The following WASHC5 variants were observed in gnomAD, a reference collection of about 807,000 sequenced individuals.
The protein encoded by WASHC5 is WASH complex subunit strumpellin.
Under a neutral mutation model 150.4 loss-of-function variants are expected in WASHC5, and 101 were observed. The observed-to-expected ratio is 0.67, with a 90% confidence interval of 0.57 to 0.79. The LOEUF is 0.79. WASHC5 is among the 30% of genes least tolerant of loss of function. The probability of loss-of-function intolerance (pLI) is 0.00; values close to 1 mark genes in which losing one functional copy is unlikely to be tolerated. For missense variants in WASHC5, 1,195 were observed against 1,396.3 expected (o/e 0.86, Z 2.30); for synonymous variants, 467 against 491.2 (o/e 0.95, Z 0.65).
intron 19 of WASHC5, among the ~76,000 whole-genome samples, chr8:125,047,687 C>T (rs896561854): frequency 6.6e-6 from 1 of 152,240 alleles, no homozygotes; most frequent in Non-Finnish European, 1.5e-5. Context: ...ATCCTCCCAC[C>T]TTGGCCTCCC....
intron 23 of WASHC5, among the ~76,000 whole-genome samples, chr8:125,043,030 G>A (rs911523277): frequency 6.6e-6 from 1 of 152,196 alleles, no homozygotes; most frequent in Non-Finnish European, 1.5e-5. Flanking sequence ...TCTACAGTAT[G>A]TGATATTTTT....
At chr8:125,076,837 G>C (rs1161619663) in intron 6 of WASHC5, among the ~76,000 whole-genome samples, 1 of 150,432 alleles carries the variant, frequency 6.6e-6, no homozygotes, top group African/African-American at 2.5e-5. Flanking sequence ...GAACTGACAG[G>C]CTCCACTCAC....
Position 125,044,640 on chromosome 8 carries a change from C to T in WASHC5, c.2563G>A (p.Val855Met). The T allele has an allele frequency of 6.2e-7, 1 of 1,614,138 alleles. No homozygotes were observed. The highest frequency in any genetic ancestry group is 8.5e-7 in the Non-Finnish European group (1 of 1,179,978). The change falls in exon 21 of 29, where the codon GTG becomes ATG. Residue 855 changes from valine to methionine, a missense_variant. Val to Met is a conservative substitution (Grantham distance 21). Around this residue, in one of 3 missense-constraint regions of WASHC5, gnomAD observed 997 missense variants for 1,168.1 expected, o/e 0.85. Transcript: ENST00000318410. ...TWYDMKTHQE[V>M]TSSRLFSEIQ... ...TCTGAGAAGAGGCGGCTGCTGGTCA[C>T]TTCCTGATGAGTTTTCATATCATAC... is the stretch of plus-strand genomic sequence containing the variant.
chr8:125,084,609 G>A (rs1817363694), intron 1 of WASHC5, among the ~76,000 whole-genome samples: 1 of 152,202 alleles, frequency 6.6e-6, no homozygotes, highest in Non-Finnish European at 1.5e-5. Flanking sequence ...ACTGTTAGCA[G>A]AATCCATTAC....
intron 28 of WASHC5, among the ~76,000 whole-genome samples, chr8:125,028,154 G>C (rs1260610747): frequency 1.3e-5 from 2 of 152,206 alleles, no homozygotes; most frequent in Non-Finnish European, 2.9e-5. Context: ...AATGAGAAAG[G>C]GATAGGAAAG....
intron 16 of WASHC5, 77 bp from the exon 17 acceptor site, chr8:125,055,748 T>C (rs1816385725): frequency 3.2e-6 from 3 of 941,498 alleles, no homozygotes; most frequent in Non-Finnish European, 5.3e-6. Flanking sequence ...GGAAAAGAAC[T>C]TGTAGCTTTA....
At chr8:125,051,743 C>T (rs1333689248) in intron 17 of WASHC5, among the ~76,000 whole-genome samples, 3 of 152,104 alleles carry the variant, frequency 2.0e-5, no homozygotes, top group Non-Finnish European at 2.9e-5. Flanking sequence ...CAAAATTAGT[C>T]GGGCGTGGTG....
rs1394896430 is a variant in WASHC5, at chr8:125,049,080, T to C, written c.2305A>G (p.Ile769Val). 1.2e-6 allele frequency: 2 copies of C among 1,613,984 alleles called. No individual in the cohort carries two copies. The highest frequency in any genetic ancestry group is 1.7e-5 in the Admixed American group (1 of 60,002). The change falls in exon 19 of 29, where the codon ATT (isoleucine) becomes GTT (valine). Residue 769 changes from isoleucine to valine, a missense_variant. This residue lies in a region of WASHC5 where 997 missense variants were observed against 1,168.1 expected (regional missense o/e 0.85). Transcript: ENST00000318410. The part of the protein sequence containing the change: ...QDYVNIYGLK[I>V]WQEEVSRIIN... ...ATACGAGATACTTCTTCCTGCCAAA[T>C]CTTCAGACCATAAATGTTGACATAG...
At chr8:125,077,066 C>T (rs1817085141) in intron 6 of WASHC5, among the ~76,000 whole-genome samples, 1 of 152,168 alleles carries the variant, frequency 6.6e-6, no homozygotes, top group South Asian at 2.1e-4. Flanking sequence ...TTGCTGAGTC[C>T]TCATCTTCTG....
chr8:125,030,743 A>C (rs1014234089), intron 27 of WASHC5, among the ~76,000 whole-genome samples: 1 of 151,390 alleles, frequency 6.6e-6, no homozygotes, highest in Non-Finnish European at 1.5e-5. Context: ...CTCTGTGCCA[A>C]GGGGAGGGCT....
At position 125,057,566 on chromosome 8, in the gene WASHC5, T is replaced by A. The variant is rs1253149472; in HGVS notation, c.1865A>T (p.Tyr622Phe). 6.2e-7 allele frequency: 1 copy of A among 1,603,200 alleles called. No individual in the cohort carries two copies. Among genetic ancestry groups the A allele is most frequent in the South Asian group, 1.1e-5 (1 of 90,600 alleles). The change falls in exon 15 of 29, where the codon TAT becomes TTT. Residue 622 changes from tyrosine to phenylalanine, a missense_variant. Physicochemically the swap from Tyr to Phe is conservative, Grantham distance 22. Coordinates refer to ENST00000318410, the MANE Select transcript of WASHC5 (RefSeq NM_014846.4). The part of the protein sequence containing the change: ...SQYYSGELVS[Y>F]VRKVLQIIPE... Reference sequence around the variant, plus strand: ...TGATGCATTTCTTACTTTTCTCACATAGGATACCAACTCTCCAGAATAGTA... The same window carrying A: ...TGATGCATTTCTTACTTTTCTCACAAAGGATACCAACTCTCCAGAATAGTA...
intron 20 of WASHC5, among the ~76,000 whole-genome samples, chr8:125,046,885 T>A (rs565999031): frequency 6.5e-4 from 99 of 152,160 alleles, no homozygotes; most frequent in Middle Eastern, 3.4e-3. Context: ...CCTATGAGAA[T>A]CTAGTACTTT....
In WASHC5 at chr8:125,082,390, T is replaced by G; in HGVS notation, c.410A>C (p.Gln137Pro). 6.6e-7 allele frequency: 1 copy of G among 1,525,778 alleles called. No individual in the cohort carries two copies. The highest frequency in any genetic ancestry group is 9.1e-7 in the Non-Finnish European group (1 of 1,100,350). The allele number at this position is 1,525,778 out of a possible 1,614,324, so 94.5% of individuals were successfully genotyped here. Residue 137 changes from glutamine (Q) to proline (P), a missense_variant, in exon 4 of 29, where the codon CAA (glutamine) becomes CCA (proline). Gln to Pro is a moderately conservative substitution (Grantham distance 76). Transcript: ENST00000318410. ...ATAATCATTATTACTTACTAGAAGTTGTTTTCCATCTTCATTGAGAAGCAC... is the reference window on the plus strand; with the variant it reads ...ATAATCATTATTACTTACTAGAAGTGGTTTTCCATCTTCATTGAGAAGCAC... ...ETVLLNEDGK[Q>P]LLCEALYLYG... is the part of the protein sequence containing the mutation.
chr8:125,059,362 G>A lies in WASHC5; in HGVS notation c.1688+14C>T. 6.2e-7 allele frequency: 1 copy of A among 1,614,042 alleles called. No homozygotes were observed. Among genetic ancestry groups the A allele is most frequent in the South Asian group, 1.1e-5 (1 of 91,076 alleles). ...GCCTTTCATCTACAGCAAATGTCAG[G>A]CTGCCTACATTACCTGTCAATCAAC... is the stretch of plus-strand genomic sequence containing the variant. On this transcript the variant is annotated intron_variant, in intron 13 of 28. Coordinates refer to ENST00000318410, the MANE Select transcript of WASHC5 (RefSeq NM_014846.4).
At chr8:125,080,587 T>C (rs1563635372) in intron 5 of WASHC5, among the ~76,000 whole-genome samples, 1 of 152,230 alleles carries the variant, frequency 6.6e-6, no homozygotes, top group South Asian at 2.1e-4. Flanking sequence ...TTCTACTCTT[T>C]ACATCTTTAG....
intron 1 of WASHC5, among the ~76,000 whole-genome samples, chr8:125,088,403 T>G (rs1586395785): frequency 7.5e-6 from 1 of 133,084 alleles, no homozygotes; most frequent in African/African-American, 2.9e-5. Flanking sequence ...CCAGCCTGGG[T>G]GACAGAGTGA....
intron 20 of WASHC5, among the ~76,000 whole-genome samples, chr8:125,045,842 C>T (rs1816051212): frequency 6.6e-6 from 1 of 152,178 alleles, no homozygotes; most frequent in African/African-American, 2.4e-5. Context: ...TGTGGAAATT[C>T]TGGTCACACT....
intron 17 of WASHC5, among the ~76,000 whole-genome samples, chr8:125,054,680 A>G (rs113105345): frequency 0.11 from 16,481 of 151,800 alleles, 2,081 homozygotes; most frequent in African/African-American, 0.3. Context: ...TTAGCCGGGC[A>G]TGGTGGTGGG....
intron 9 of WASHC5, among the ~76,000 whole-genome samples, chr8:125,071,609 C>T (rs1029190873): frequency 6.6e-6 from 1 of 152,182 alleles, no homozygotes; most frequent in African/African-American, 2.4e-5. Flanking sequence ...TATGGGGTTT[C>T]CTGACCTCCT....
Sources: gnomAD v4.1 joint callset for allele counts (sites outside exome capture counted in the v4.1 genomes callset) on GRCh38, gnomAD v4.1.1 for gene constraint, gnomAD v4.1.1 regional missense constraint, MANE v1.5 for transcripts, NCBI Gene and HGNC (gene_info 2026-07-23, HGNC 2026-07-21) for gene names.